TBC1D5: variants seen among roughly 807,000 people sequenced by gnomAD.
The protein encoded by TBC1D5 is TBC1 domain family member 5.
A neutral mutation model predicts 100.3 loss-of-function variants in TBC1D5; 75 were observed. The ratio of observed to expected loss-of-function variants is 0.75; its 90% CI spans 0.62 to 0.91. The LOEUF is 0.91. Ranked by LOEUF, TBC1D5 falls within the 40% of genes least tolerant of loss-of-function variation. The pLI is 0.00. For missense variants in TBC1D5, 910 were observed against 942.4 expected (o/e 0.97, Z 0.45); for synonymous variants, 323 against 325.6 (o/e 0.99, Z 0.09).
Position 17,288,223 on chromosome 3 carries a change from C to T in TBC1D5, c.1245+3672G>A, listed in dbSNP as rs570737391. 2.6e-4 allele frequency among the ~76,000 whole-genome samples: 40 copies of T among 152,228 alleles called. No individual in the cohort carries two copies. In the South Asian group the frequency reaches 7.9e-3, roughly 30 times the overall value. On this transcript the variant is annotated intron_variant, in intron 15 of 21. Coordinates refer to ENST00000253692, the Ensembl canonical transcript of TBC1D5. ...TAATTGACATTAACAACACTGAAAA[C>T]CCCGTCCACTTGTGGATTTCTATAG... is the stretch of plus-strand genomic sequence containing the variant.
intron 18 of TBC1D5, among the ~76,000 whole-genome samples, chr3:17,195,443 A>C (rs923309026): frequency 6.6e-6 from 1 of 152,228 alleles, no homozygotes; most frequent in East Asian, 1.9e-4. Flanking sequence ...GGGCAAAACC[A>C]TCTGCGTGCT....
chr3:17,705,307 C>T (rs1280802050), intron 1 of TBC1D5, among the ~76,000 whole-genome samples: 1 of 112,802 alleles, frequency 8.9e-6, no homozygotes, highest in Non-Finnish European at 1.9e-5. Context: ...GACCCCCCCA[C>T]CTCCCTCCCG....
chr3:17,388,877 A>G (rs1443758461), intron 8 of TBC1D5, among the ~76,000 whole-genome samples: 1 of 151,956 alleles, frequency 6.6e-6, no homozygotes, highest in Non-Finnish European at 1.5e-5. Flanking sequence ...AAAACAAACA[A>G]ACAAAGAAAC....
chr3:17,615,591 A>G (rs561995397), intron 2 of TBC1D5, among the ~76,000 whole-genome samples: 1 of 152,186 alleles, frequency 6.6e-6, no homozygotes, highest in African/African-American at 2.4e-5. Context: ...TCAGAGATTC[A>G]ACTTCTTCCT....
At chr3:17,266,787 G>A (rs545628621) in intron 15 of TBC1D5, among the ~76,000 whole-genome samples, 57 of 152,150 alleles carry the variant, frequency 3.7e-4, no homozygotes, top group Non-Finnish European at 7.6e-4. Context: ...TAATTCCTAT[G>A]TATTTTGATG....
intron 19 of TBC1D5, among the ~76,000 whole-genome samples, chr3:17,182,729 T>A (rs917024549): frequency 6.6e-6 from 1 of 152,226 alleles, no homozygotes; most frequent in Non-Finnish European, 1.5e-5. Flanking sequence ...ATTAGTCATA[T>A]ACAACTATAT....
intron 1 of TBC1D5, among the ~76,000 whole-genome samples, chr3:17,737,988 A>G (rs755141736): frequency 6.6e-6 from 1 of 152,184 alleles, no homozygotes; most frequent in Non-Finnish European, 1.5e-5. Context: ...CATCCAAACT[A>G]ATGGACATTC....
At chr3:17,431,960 T>C (rs1399880983) in intron 3 of TBC1D5, among the ~76,000 whole-genome samples, 1 of 152,106 alleles carries the variant, frequency 6.6e-6, no homozygotes, top group Non-Finnish European at 1.5e-5. Flanking sequence ...TACACAAACA[T>C]CTAGTTCATG....
At chr3:17,543,744 C>T (rs1296425573) in intron 2 of TBC1D5, among the ~76,000 whole-genome samples, 8 of 152,102 alleles carry the variant, frequency 5.3e-5, no homozygotes, top group African/African-American at 1.2e-4. Context: ...TATTCAGTCC[C>T]GTGGTTATCA....
rs534172236 is a variant in TBC1D5 at position 17,234,386 on chromosome 3, T to C, written c.1588+3777A>G. ...ATAGTAAGTGCTTAAAATAATGACA[T>C]GTTCAAATTAAAAAAGCAATTTAAA... On this transcript the variant is annotated intron_variant, in intron 17 of 21. Transcript: ENST00000253692. Among the ~76,000 whole-genome samples the C allele has an allele frequency of 2.0e-5, 3 of 150,578 alleles. No individual in the cohort carries two copies. The South Asian group carries it at 6.3e-4, about 32-fold the overall frequency.
chr3:17,705,022 C>A (rs2073853533), intron 1 of TBC1D5, among the ~76,000 whole-genome samples: 1 of 137,360 alleles, frequency 7.3e-6, no homozygotes, highest in African/African-American at 2.7e-5. Flanking sequence ...CACCTCCCTC[C>A]CGGACGGGGC....
At chr3:17,185,080 C>A (rs573558877) in intron 19 of TBC1D5, 29 bp downstream of exon 20, 2 of 1,600,274 alleles carry the variant, frequency 1.2e-6, no homozygotes, top group South Asian at 1.1e-5. Context: ...TGAGTCTCAT[C>A]GTTCCCAGGG....
At chr3:17,307,921 A>G in intron 14 of TBC1D5, 71 bp downstream of exon 14, 2 of 1,558,324 alleles carry the variant, frequency 1.3e-6, no homozygotes, top group Non-Finnish European at 8.6e-7. Flanking sequence ...CACAAAGTCT[A>G]TTTAAAAGGC....
intron 17 of TBC1D5, among the ~76,000 whole-genome samples, chr3:17,216,298 G>T (rs2073624255): frequency 6.6e-6 from 1 of 152,024 alleles, no homozygotes; most frequent in Non-Finnish European, 1.5e-5. Context: ...GGGAATAAAT[G>T]GTCTACCCAT....
intron 2 of TBC1D5, among the ~76,000 whole-genome samples, chr3:17,525,886 A>T (rs1239414641): frequency 6.6e-6 from 1 of 152,120 alleles, no homozygotes; most frequent in Non-Finnish European, 1.5e-5. Flanking sequence ...GGCATATAAT[A>T]ATAAATATTG....
intron 1 of TBC1D5, among the ~76,000 whole-genome samples, chr3:17,659,436 A>C (rs1019882177): frequency 2.0e-5 from 3 of 152,084 alleles, no homozygotes; most frequent in Non-Finnish European, 4.4e-5. Context: ...CAGATAAAGG[A>C]GAGGAAGGCA....
intron 3 of TBC1D5, among the ~76,000 whole-genome samples, chr3:17,461,909 C>T (rs1177407160): frequency 6.6e-6 from 1 of 152,158 alleles, no homozygotes; most frequent in Non-Finnish European, 1.5e-5. Context: ...TTCTAAGAGA[C>T]ATTTCATTTC....
At chr3:17,300,441 T>C (rs1054322765) in intron 14 of TBC1D5, among the ~76,000 whole-genome samples, 17 of 152,166 alleles carry the variant, frequency 1.1e-4, no homozygotes, top group Admixed American at 7.2e-4. Flanking sequence ...AACTAGAAAA[T>C]AGAGAAATAG....
intron 3 of TBC1D5, among the ~76,000 whole-genome samples, chr3:17,430,769 G>C (rs189889870): frequency 1.1e-4 from 17 of 151,926 alleles, no homozygotes; most frequent in Admixed American, 1.1e-3. Flanking sequence ...TCTTATTTTG[G>C]AAGGAAACTG....
Sources: allele counts gnomAD v4.1 joint callset (sites outside exome capture counted in the v4.1 genomes callset), GRCh38; gene constraint gnomAD v4.1.1; transcripts MANE v1.5; gene names NCBI Gene and HGNC (gene_info 2026-07-23, HGNC 2026-07-21).